Variants in NBPF11 observed in about 807,000 individuals in gnomAD.
NBPF11 encodes NBPF member 11.
A neutral mutation model predicts 93.9 loss-of-function variants in NBPF11; 72 were observed. The ratio of observed to expected loss-of-function variants is 0.77; its 90% CI spans 0.63 to 0.93. The LOEUF (loss-of-function observed/expected upper bound fraction) is 0.93. NBPF11 is among the 40% of genes least tolerant of loss of function. The pLI is 0.00. For missense variants in NBPF11, 705 were observed against 802.2 expected (o/e 0.88, Z 1.46); for synonymous variants, 224 against 304.9 (o/e 0.73, Z 2.76).
intron 4 of NBPF11, among the ~76,000 whole-genome samples, chr1:148,133,293 T>C (rs1670719771): frequency 6.6e-6 from 1 of 151,894 alleles, no homozygotes; most frequent in South Asian, 2.1e-4. Flanking sequence ...CAATTCTTTC[T>C]TTTCAATACT....
In NBPF11 at chr1:148,134,103, G is replaced by A. The variant is rs1571479468; in HGVS notation, c.-36+1569C>T. On this transcript the variant is annotated intron_variant, in intron 4 of 23. Transcript: ENST00000682118. ...CCGCCATGACCTCCAGCCTGTAGAGGAGAGGCGCCACAGGACCTTTACATG... is the reference window on the plus strand; with the variant it reads ...CCGCCATGACCTCCAGCCTGTAGAGAAGAGGCGCCACAGGACCTTTACATG... Among the ~76,000 whole-genome samples the A allele has an allele frequency of 5.3e-5, 8 of 152,108 alleles. 1 individual carries two copies. The highest frequency in any genetic ancestry group is 4.8e-5 in the African/African-American group (2 of 41,370).
At chr1:148,127,954 C>T (rs1220944601) in intron 4 of NBPF11, among the ~76,000 whole-genome samples, 10 of 151,752 alleles carry the variant, frequency 6.6e-5, no homozygotes, top group South Asian at 2.1e-4. Context: ...CGCACACGGC[C>T]GACTTCTCTT....
In NBPF11 at chr1:148,118,093, T is replaced by G. The variant is rs1168361264; in HGVS notation, c.1092-307A>C. The stretch of plus-strand genomic sequence containing the variant: ...TCCTTTCAGTTCCTCACTCTGGCCA[T>G]GGACATTTCCATGTGAAAATACACA... On this transcript the variant is annotated intron_variant, in intron 11 of 23. Transcript: ENST00000682118. Among the ~76,000 whole-genome samples the G allele has an allele frequency of 1.8e-3, 275 of 150,544 alleles. 6 individuals carry two copies. Among genetic ancestry groups the G allele is most frequent in the African/African-American group, 6.3e-3 (258 of 40,754 alleles).
rs1668057141 is a variant in NBPF11, at chr1:148,122,319, G to A, written c.567-53C>T. The A allele has an allele frequency of 2.9e-5, 46 of 1,610,074 alleles. 1 individual carries two copies. The South Asian group carries it at 5.1e-4, about 18-fold the overall frequency. On this transcript the variant is annotated intron_variant, in intron 8 of 23. Transcript: ENST00000682118. ...CAGAAGATTAAACACAGAGGGATTG[G>A]ACCCCAAGGAGTCCTAGCTGGTTTT...
rs1226536347 is a variant in NBPF11, at chr1:148,115,209, G to A, written c.1585+584C>T. Among the ~76,000 whole-genome samples the A allele has an allele frequency of 1.2e-4, 14 of 112,688 alleles. 1 individual carries two copies. Among genetic ancestry groups the A allele is most frequent in the African/African-American group, 3.1e-4 (10 of 32,228 alleles). 73.9% of individuals were successfully genotyped at this position (112,688 alleles called of 152,430 possible). ...AAAAAAAAAAAAAAAAAAAATCTAC[G>A]ACGCTACAAAGAAACATTGGATCAG... On this transcript the variant is annotated intron_variant, in intron 14 of 23. Coordinates refer to ENST00000682118, the MANE Select transcript of NBPF11 (RefSeq NM_001385469.3).
At chr1:148,145,744 T>C (rs1465114068) in intron 1 of NBPF11, among the ~76,000 whole-genome samples, 4 of 150,838 alleles carry the variant, frequency 2.7e-5, no homozygotes, top group East Asian at 4.0e-4. Flanking sequence ...CTGAGCATGG[T>C]AGTGGTCTCC....
At chr1:148,136,072 A>G (rs1179625152) in intron 3 of NBPF11, among the ~76,000 whole-genome samples, 2 of 151,936 alleles carry the variant, frequency 1.3e-5, no homozygotes, top group African/African-American at 4.9e-5. Flanking sequence ...ATGTATATAG[A>G]GAGGCCTCTT....
intron 4 of NBPF11, among the ~76,000 whole-genome samples, chr1:148,130,977 A>C (rs1336684914): frequency 6.6e-6 from 1 of 151,840 alleles, no homozygotes; most frequent in African/African-American, 2.4e-5. Context: ...GTATTCCTTC[A>C]TGTGGCTATA....
chr1:148,127,951 G>A (rs1490900872), intron 4 of NBPF11, among the ~76,000 whole-genome samples: 6 of 151,750 alleles, frequency 4.0e-5, no homozygotes, highest in African/African-American at 1.5e-4. Context: ...CACCGCACAC[G>A]GCCGACTTCT....
rs1297498165 is a variant in NBPF11, at chr1:148,112,919, TGA to T, written c.1637+1516_1637+1517del. On this transcript the variant is annotated intron_variant, in intron 15 of 23. Transcript: ENST00000682118. ...AAATCCTTTACAGAGAAGCAAATGC[TGA>T]GAGATTTTGTCACCACCAGGCCTGC... is the stretch of plus-strand genomic sequence containing the variant. 1.5e-3 allele frequency among the ~76,000 whole-genome samples: 226 copies of T among 151,620 alleles called. 1 individual carries two copies. The highest frequency in any genetic ancestry group is 5.2e-3 in the African/African-American group (215 of 41,072).
chr1:148,106,283 C>T (rs1392397677), intron 20 of NBPF11, 51 bp from the exon 21 acceptor site: 7 of 618,166 alleles, frequency 1.1e-5, no homozygotes, highest in East Asian at 1.1e-4. Flanking sequence ...TCACCTACAC[C>T]CATAACAGTC....
intron 1 of NBPF11, among the ~76,000 whole-genome samples, chr1:148,144,845 C>T (rs1461090339): frequency 7.3e-5 from 11 of 151,162 alleles, no homozygotes; most frequent in South Asian, 2.1e-4. Context: ...TGGTGCATGC[C>T]GTAATCCCAG....
intron 4 of NBPF11, among the ~76,000 whole-genome samples, chr1:148,133,302 C>G (rs1670721208): frequency 6.6e-6 from 1 of 151,894 alleles, no homozygotes; most frequent in African/African-American, 2.4e-5. Flanking sequence ...CTTTTCAATA[C>G]TTTATTAATT....
chr1:148,114,806 A>G (rs1439483814), intron 14 of NBPF11, among the ~76,000 whole-genome samples: 1,707 of 148,238 alleles, frequency 0.012, 8 homozygotes, highest in Middle Eastern at 0.024. Context: ...GTGTTGCTGC[A>G]ATACGGACTT....
At chr1:148,122,694 C>T (rs79439957) in intron 8 of NBPF11, 35 bp downstream of exon 8, 4 of 1,605,818 alleles carry the variant, frequency 2.5e-6, no homozygotes, top group Admixed American at 1.7e-5. Flanking sequence ...TCATATGTTA[C>T]CACCCATTAC....
At chr1:148,116,828 C>T (rs1666674753) in intron 12 of NBPF11, among the ~76,000 whole-genome samples, 1 of 152,082 alleles carries the variant, frequency 6.6e-6, no homozygotes, top group Admixed American at 6.5e-5. Context: ...AGCTGTCTCC[C>T]CCATCCTGCC....
At chr1:148,146,296 C>T (rs1394949742) in intron 1 of NBPF11, 6 of 1,345,786 alleles carry the variant, frequency 4.5e-6, no homozygotes, top group Non-Finnish European at 5.7e-6. Flanking sequence ...CTCCCCCCTG[C>T]CCGCGACTCG....
At chr1:148,115,112 T>C (rs58392769) in intron 14 of NBPF11, among the ~76,000 whole-genome samples, 1 of 104,250 alleles carries the variant, frequency 9.6e-6, no homozygotes, top group Non-Finnish European at 1.7e-5. Context: ...TTGCACCAAG[T>C]CAAGATGGTG....
chr1:148,124,815 C>G, intron 6 of NBPF11, 84 bp downstream of exon 6: 1 of 1,453,150 alleles, frequency 6.9e-7, no homozygotes, highest in Non-Finnish European at 9.6e-7. Flanking sequence ...GGCCCAGCTT[C>G]GTTCTTACTT....
Sources: gnomAD v4.1 joint callset for allele counts (sites outside exome capture counted in the v4.1 genomes callset) on GRCh38, gnomAD v4.1.1 for gene constraint, MANE v1.5 for transcripts, NCBI Gene and HGNC (gene_info 2026-07-23, HGNC 2026-07-21) for gene names.